The following PIP5K1B variants were observed in gnomAD, a reference collection of about 807,000 sequenced individuals.
PIP5K1B encodes the protein phosphatidylinositol 4-phosphate 5-kinase type-1 beta.
A neutral mutation model predicts 67.0 loss-of-function variants in PIP5K1B; 42 were observed. The observed-to-expected ratio is 0.63, with a 90% CI of 0.49 to 0.81. The LOEUF (loss-of-function observed/expected upper bound fraction) is 0.81, where lower values mean the gene tolerates loss of function less well. Among genes scored for constraint, PIP5K1B ranks in the 30% least tolerant of loss-of-function variants. The probability of loss-of-function intolerance (pLI) is 0.00; values close to 1 mark genes in which losing one functional copy is unlikely to be tolerated. For missense variants in PIP5K1B, 459 were observed against 646.3 expected, an observed-to-expected ratio of 0.71 and a Z score of 3.14; for synonymous variants, 214 against 231.4, an observed-to-expected ratio of 0.92 and a Z score of 0.68.
At chr9:68,834,218 T>C (rs971635081) in intron 4 of PIP5K1B, among the ~76,000 whole-genome samples, 1 of 152,240 alleles carries the variant, frequency 6.6e-6, no homozygotes, top group African/African-American at 2.4e-5. Context: ...GACCATCTCC[T>C]GCCATTATCT....
At chr9:68,724,695 G>A (rs1028951669) in intron 1 of PIP5K1B, among the ~76,000 whole-genome samples, 3 of 151,822 alleles carry the variant, frequency 2.0e-5, no homozygotes, top group African/African-American at 7.3e-5. Context: ...TATTGTAAGT[G>A]GGGTTGCTTT....
chr9:68,768,958 C>G (rs1024979485), intron 2 of PIP5K1B, among the ~76,000 whole-genome samples: 1 of 152,194 alleles, frequency 6.6e-6, no homozygotes, highest in Non-Finnish European at 1.5e-5. Context: ...CTTGGTCATA[C>G]AACAGTACTT....
chr9:68,995,227 GAGAA>G (rs908429939), intron 15 of PIP5K1B, among the ~76,000 whole-genome samples: 19 of 149,226 alleles, frequency 1.3e-4, no homozygotes, highest in African/African-American at 2.7e-4. Flanking sequence ...GAGGGGAGGG[GAGAA>G]AGAAAGAGAG....
chr9:68,864,695 C>T (rs1823271777), intron 5 of PIP5K1B, among the ~76,000 whole-genome samples: 3 of 152,032 alleles, frequency 2.0e-5, no homozygotes, highest in South Asian at 4.1e-4. Flanking sequence ...TCTATTACTA[C>T]GTTCATTTAG....
chr9:68,809,938 C>T (rs1833071791), intron 2 of PIP5K1B, among the ~76,000 whole-genome samples: 2 of 152,222 alleles, frequency 1.3e-5, no homozygotes, highest in Admixed American at 1.3e-4. Context: ...TGGCCCCGGG[C>T]CTAGCTTACT....
At chr9:68,990,653 G>A (rs2132952030) in intron 14 of PIP5K1B, among the ~76,000 whole-genome samples, 1 of 139,764 alleles carries the variant, frequency 7.2e-6, no homozygotes, top group South Asian at 2.4e-4. Flanking sequence ...TGCACTTCTA[G>A]TAAAACTGAA....
chr9:68,945,495 G>C (rs80273968), intron 14 of PIP5K1B, among the ~76,000 whole-genome samples: 8,940 of 152,192 alleles, frequency 0.059, 537 homozygotes, highest in African/African-American at 0.15. Context: ...ACCAGCTATT[G>C]GTGAATTTTG....
intron 15 of PIP5K1B, among the ~76,000 whole-genome samples, chr9:68,999,684 T>C (rs1830733803): frequency 6.6e-6 from 1 of 152,138 alleles, no homozygotes; most frequent in African/African-American, 2.4e-5. Flanking sequence ...ACCGTGTGAC[T>C]CCCCTGGCAA....
chr9:68,958,014 A>C (rs1828493500), intron 14 of PIP5K1B, among the ~76,000 whole-genome samples: 1 of 151,996 alleles, frequency 6.6e-6, no homozygotes, highest in African/African-American at 2.4e-5. Context: ...CTGGGACTAC[A>C]GGCATGCACC....
chr9:68,833,472 A>T (rs774677775), intron 4 of PIP5K1B, among the ~76,000 whole-genome samples: 2 of 152,210 alleles, frequency 1.3e-5, no homozygotes, highest in African/African-American at 4.8e-5. Context: ...GCGGTTCCCA[A>T]TGGGGGCAGA....
At chr9:68,749,361 C>T (rs1054593075) in intron 2 of PIP5K1B, among the ~76,000 whole-genome samples, 6 of 152,104 alleles carry the variant, frequency 3.9e-5, no homozygotes, top group African/African-American at 1.4e-4. Flanking sequence ...TGGCAGCCAC[C>T]AGGAACTGGA....
intron 9 of PIP5K1B, among the ~76,000 whole-genome samples, chr9:68,918,754 C>T (rs1826223765): frequency 6.6e-6 from 1 of 152,170 alleles, no homozygotes; most frequent in South Asian, 2.1e-4. Flanking sequence ...GAAATTAACA[C>T]ATATTAAATA....
intron 2 of PIP5K1B, among the ~76,000 whole-genome samples, chr9:68,814,917 C>G (rs1175979976): frequency 6.6e-6 from 1 of 152,102 alleles, no homozygotes; most frequent in Non-Finnish European, 1.5e-5. Context: ...CCTAAAAACA[C>G]AGAATCTGCA....
intron 14 of PIP5K1B, chr9:68,963,293 G>C (rs116241762): frequency 6.7e-6 from 3 of 449,640 alleles, no homozygotes; most frequent in African/African-American, 6.0e-5. Flanking sequence ...TCTTGAGTCC[G>C]GAAGTTCAAG....
chr9:68,785,815 T>C (rs1831580541), intron 2 of PIP5K1B, among the ~76,000 whole-genome samples: 1 of 152,140 alleles, frequency 6.6e-6, no homozygotes, highest in Non-Finnish European at 1.5e-5. Flanking sequence ...TGCTGGGCAA[T>C]TAGCATCCTT....
At chr9:68,788,182 G>A (rs1831739720) in intron 2 of PIP5K1B, 5 of 318,992 alleles carry the variant, frequency 1.6e-5, no homozygotes, top group South Asian at 1.6e-4. Context: ...CAGCACTGCA[G>A]GCTAAGGGGA....
At chr9:68,860,660 C>T (rs1018798448) in intron 4 of PIP5K1B, among the ~76,000 whole-genome samples, 6 of 152,178 alleles carry the variant, frequency 3.9e-5, no homozygotes, top group African/African-American at 1.4e-4. Context: ...CAGTCAGACT[C>T]CACCACATAC....
chr9:68,758,291 C>T (rs1029995086), intron 2 of PIP5K1B, among the ~76,000 whole-genome samples: 2 of 151,950 alleles, frequency 1.3e-5, no homozygotes, highest in African/African-American at 2.4e-5. Flanking sequence ...GAGGCCAATA[C>T]TGAAATGGTA....
chr9:68,930,456 C>G (rs1410717365), intron 12 of PIP5K1B, among the ~76,000 whole-genome samples: 1 of 152,146 alleles, frequency 6.6e-6, no homozygotes, highest in Non-Finnish European at 1.5e-5. Flanking sequence ...CCCTTGACCC[C>G]TTCCTTCTGC....
Sources: allele counts gnomAD v4.1 joint callset (sites outside exome capture counted in the v4.1 genomes callset), GRCh38; gene constraint gnomAD v4.1.1; transcripts MANE v1.5; gene names NCBI Gene and HGNC (gene_info 2026-07-23, HGNC 2026-07-21).